GALNT18: variants seen among roughly 807,000 people sequenced by gnomAD.
GALNT18 encodes GalNAc-transferase 18.
GALNT18 carries 44 observed loss-of-function variants against 69.5 expected under a neutral mutation model. The observed-to-expected ratio is 0.63, with a 90% CI of 0.50 to 0.81. GALNT18 has a LOEUF of 0.81. GALNT18 is among the 40% of genes least tolerant of loss of function. The pLI is 0.00. For missense variants in GALNT18, 715 were observed against 810.0 expected (o/e 0.88, Z 1.42); for synonymous variants, 364 against 318.2 (o/e 1.14, Z -1.53).
chr11:11,486,970 T>C (rs1028413599), intron 1 of GALNT18, among the ~76,000 whole-genome samples: 1 of 152,180 alleles, frequency 6.6e-6, no homozygotes, highest in Non-Finnish European at 1.5e-5. Flanking sequence ...TCACTGTGGT[T>C]TCCCCAGCCA....
chr11:11,296,118 CT>C (rs1228183615), intron 9 of GALNT18, among the ~76,000 whole-genome samples: 3 of 152,156 alleles, frequency 2.0e-5, no homozygotes, highest in Admixed American at 1.3e-4. Flanking sequence ...CAAGTAATCT[CT>C]AAGTTGGGAT....
intron 1 of GALNT18, among the ~76,000 whole-genome samples, chr11:11,585,836 G>A (rs1859208954): frequency 7.8e-6 from 1 of 128,814 alleles, no homozygotes; most frequent in Admixed American, 8.8e-5. Flanking sequence ...TGTTGCTTTG[G>A]AAACTGCAAT....
At chr11:11,364,437 G>A (rs1850713966) in intron 6 of GALNT18, among the ~76,000 whole-genome samples, 1 of 152,160 alleles carries the variant, frequency 6.6e-6, no homozygotes, top group South Asian at 2.1e-4. Flanking sequence ...TAGATGAAAT[G>A]TATGGGACAG....
At chr11:11,400,832 T>C (rs1287191260) in intron 3 of GALNT18, among the ~76,000 whole-genome samples, 1 of 152,234 alleles carries the variant, frequency 6.6e-6, no homozygotes, top group Non-Finnish European at 1.5e-5. Flanking sequence ...AGTAGGTGTC[T>C]AGCTCTTGTT....
intron 3 of GALNT18, among the ~76,000 whole-genome samples, chr11:11,406,865 A>G (rs1435498206): frequency 1.3e-5 from 2 of 152,228 alleles, no homozygotes; most frequent in East Asian, 3.8e-4. Context: ...CCCTTTTGGA[A>G]GAAAGCCCAA....
chr11:11,468,577 G>A (rs564145728), intron 1 of GALNT18, among the ~76,000 whole-genome samples: 2 of 152,264 alleles, frequency 1.3e-5, no homozygotes, highest in South Asian at 4.2e-4. Flanking sequence ...TTGCTCTAAG[G>A]GCAGGTGAGG....
At chr11:11,366,193 T>C (rs1474282688) in intron 6 of GALNT18, among the ~76,000 whole-genome samples, 3 of 152,226 alleles carry the variant, frequency 2.0e-5, no homozygotes, top group African/African-American at 7.2e-5. Context: ...AATTAATTCT[T>C]TGAGATACCC....
In GALNT18 at chr11:11,430,085, C is replaced by T. The variant is rs1221672755; in HGVS notation, c.595+2536G>A. On this transcript the variant is annotated intron_variant, in intron 3 of 10. Transcript: ENST00000227756. This position sits in a 1 kb window ranked among gnomAD's most constrained non-coding sequence, Gnocchi z 4.9. ...AGCCTGGGAGCCTGGGAGCTGTGAT[C>T]GTGCCACTGCATTCCAGCCTGGGCA... Among the ~76,000 whole-genome samples the T allele has an allele frequency of 6.6e-6, 1 of 152,014 alleles. No individual in the cohort carries two copies. The highest frequency in any genetic ancestry group is 1.9e-4 in the East Asian group (1 of 5,196).
Position 11,372,430 on chromosome 11 carries a change from A to C in GALNT18, c.1092+85T>G. The C allele has an allele frequency of 9.7e-7, 1 of 1,032,212 alleles. No homozygotes were observed. Among genetic ancestry groups the C allele is most frequent in the East Asian group, 2.4e-5 (1 of 41,484 alleles). The allele number at this position is 1,032,212 out of a possible 1,614,324, so 63.9% of individuals were successfully genotyped here. Reference sequence around the variant, plus strand: ...ATTCAGAATCAGTCTGTGACCCTCAACCTTAAACCCCATTTCTCCACCCCC... The same window carrying C: ...ATTCAGAATCAGTCTGTGACCCTCACCCTTAAACCCCATTTCTCCACCCCC... On this transcript the variant is annotated intron_variant, in intron 6 of 10. Transcript: ENST00000227756. This position sits in a 1 kb window ranked among gnomAD's most constrained non-coding sequence, Gnocchi z 4.9.
chr11:11,352,442 G>T (rs1355027836), intron 6 of GALNT18: 1 of 1,613,996 alleles, frequency 6.2e-7, no homozygotes, highest in Non-Finnish European at 8.5e-7. Context: ...CCTTCCGAAA[G>T]ATCATACTTG....
intron 3 of GALNT18, among the ~76,000 whole-genome samples, chr11:11,422,081 A>G (rs1210700459): frequency 6.6e-6 from 1 of 152,196 alleles, no homozygotes; most frequent in Non-Finnish European, 1.5e-5. Flanking sequence ...GAGAAACTTT[A>G]CTTCCATAGA....
rs1858587954 is a variant in GALNT18, at chr11:11,564,273, C to T, written c.235+57086G>A. On this transcript the variant is annotated intron_variant, in intron 1 of 10. Coordinates refer to ENST00000227756, the MANE Select transcript of GALNT18 (RefSeq NM_198516.3). The surrounding 1 kb of genome is among the most constrained non-coding windows in gnomAD (Gnocchi z 4.3). ...GAAGGCTCATCTTAAGAGATATGCA[C>T]CTGACTCTCTGTCAAGCCTCCCCTT... is the stretch of plus-strand genomic sequence containing the variant. 1.3e-5 allele frequency among the ~76,000 whole-genome samples: 2 copies of T among 152,166 alleles called. No individual in the cohort carries two copies. The highest frequency in any genetic ancestry group is 4.8e-5 in the African/African-American group (2 of 41,438).
Position 11,444,481 on chromosome 11 carries a change from A to G in GALNT18, c.428+4263T>C, listed in dbSNP as rs1466946739. Reference sequence around the variant, plus strand: ...CGCTTTGTTGGGTGCCGGGCACATCATGAGTGCTCAGTAAATGTTGGCTGG... The same window carrying G: ...CGCTTTGTTGGGTGCCGGGCACATCGTGAGTGCTCAGTAAATGTTGGCTGG... On this transcript the variant is annotated intron_variant, in intron 2 of 10. Coordinates refer to ENST00000227756, the MANE Select transcript of GALNT18 (RefSeq NM_198516.3). The surrounding 1 kb of genome is among the most constrained non-coding windows in gnomAD (Gnocchi z 4.4). 6.6e-6 allele frequency among the ~76,000 whole-genome samples: 1 copy of G among 152,196 alleles called. No individual in the cohort carries two copies. The highest frequency in any genetic ancestry group is 2.4e-5 in the African/African-American group (1 of 41,452).
chr11:11,296,744 C>G (rs370701755), intron 9 of GALNT18, among the ~76,000 whole-genome samples: 1 of 152,242 alleles, frequency 6.6e-6, no homozygotes, highest in East Asian at 1.9e-4. Flanking sequence ...CTGGGAAAAT[C>G]ATAATGGGGC....
chr11:11,432,888 G>T lies in GALNT18; in HGVS notation c.429-101C>A. On this transcript the variant is annotated intron_variant, in intron 2 of 10. Transcript: ENST00000227756. This position sits in a 1 kb window ranked among gnomAD's most constrained non-coding sequence, Gnocchi z 5.8. ...GGCTCCAGCTTTGCTGGAGGGCTCG[G>T]GAGTCCAGATTCTTCCAAGGGCCCC... The T allele has an allele frequency of 8.4e-7, 1 of 1,190,142 alleles. No individual in the cohort carries two copies. 73.7% of individuals were successfully genotyped at this position (1,190,142 alleles called of 1,614,324 possible).
chr11:11,537,659 C>T (rs1263778486), intron 1 of GALNT18, among the ~76,000 whole-genome samples: 1 of 152,178 alleles, frequency 6.6e-6, no homozygotes, highest in South Asian at 2.1e-4. Flanking sequence ...TTTCCCAAAA[C>T]CCAGTCCTTG....
At chr11:11,442,469 C>T (rs1164326959) in intron 2 of GALNT18, among the ~76,000 whole-genome samples, 1 of 152,072 alleles carries the variant, frequency 6.6e-6, no homozygotes. Context: ...GAAACCAGGA[C>T]CCCCAAAGTT....
Position 11,461,240 on chromosome 11 carries a change from G to A in GALNT18, c.236-12304C>T, listed in dbSNP as rs1856036404. 6.6e-6 allele frequency among the ~76,000 whole-genome samples: 1 copy of A among 152,222 alleles called. No homozygotes were observed. Among genetic ancestry groups the A allele is most frequent in the Non-Finnish European group, 1.5e-5 (1 of 68,034 alleles). ...GCAAGGGGGACTTCTGGGCCTGGGT[G>A]TGTCTGAGTGTGCGGCTAGGATGGC... On this transcript the variant is annotated intron_variant, in intron 1 of 10. Coordinates refer to ENST00000227756, the MANE Select transcript of GALNT18 (RefSeq NM_198516.3). This position sits in a 1 kb window ranked among gnomAD's most constrained non-coding sequence, Gnocchi z 4.1.
At chr11:11,513,061 C>T (rs1857196035) in intron 1 of GALNT18, among the ~76,000 whole-genome samples, 1 of 152,190 alleles carries the variant, frequency 6.6e-6, no homozygotes, top group Admixed American at 6.5e-5. Flanking sequence ...ACAGGCACCC[C>T]TCCCTTCTGG....
Sources: gnomAD v4.1 joint callset for allele counts (sites outside exome capture counted in the v4.1 genomes callset) on GRCh38, gnomAD v4.1.1 for gene constraint, Gnocchi (gnomAD v3.1) non-coding constraint, MANE v1.5 for transcripts, NCBI Gene and HGNC (gene_info 2026-07-23, HGNC 2026-07-21) for gene names.